The following OR2L13 variants were observed in gnomAD, a reference collection of about 807,000 sequenced individuals.
The protein encoded by OR2L13 is olfactory receptor family 2 subfamily L member 13, also known as olfactory receptor 2L13.
In OR2L13, 14 loss-of-function variants were observed where a neutral mutation model predicts 15.3. That is an observed-to-expected ratio of 0.91 (90% CI 0.60 to 1.43). The LOEUF (loss-of-function observed/expected upper bound fraction) is 1.43. Ranked by LOEUF, OR2L13 falls within the 40% of genes most tolerant of loss-of-function variation. The pLI is 0.00. For missense variants in OR2L13, 367 were observed against 387.9 expected, an observed-to-expected ratio of 0.95 and a Z score of 0.45; for synonymous variants, 152 against 142.9, an observed-to-expected ratio of 1.06 and a Z score of -0.45.
the OR2L13 span, among the ~76,000 whole-genome samples, chr1:248,067,442 G>A: frequency 5.3e-5 from 8 of 152,278 alleles, no homozygotes; most frequent in East Asian, 1.4e-3. Context: ...AATATTTGGT[G>A]TAATTATTTG....
chr1:247,967,049 A>ACAC, the OR2L13 span, among the ~76,000 whole-genome samples: 1 of 151,598 alleles, frequency 6.6e-6, no homozygotes, highest in African/African-American at 2.4e-5. Context: ...CACACACCAC[A>ACAC]CACACACACA....
At chr1:247,983,382 T>C in the OR2L13 span, among the ~76,000 whole-genome samples, 9 of 152,110 alleles carry the variant, frequency 5.9e-5, no homozygotes, top group African/African-American at 2.2e-4. Flanking sequence ...ATCATCAGAA[T>C]TTTTTCTGCT....
the OR2L13 span, among the ~76,000 whole-genome samples, chr1:247,992,189 AAT>A: frequency 6.7e-6 from 1 of 149,588 alleles, no homozygotes; most frequent in Non-Finnish European, 1.5e-5. Context: ...ATAAGTAGTA[AAT>A]ATGTTTTCTC....
chr1:247,951,573 A>G, the OR2L13 span, among the ~76,000 whole-genome samples: 6 of 152,182 alleles, frequency 3.9e-5, no homozygotes, highest in Non-Finnish European at 7.3e-5. Context: ...GCCTGTGGAT[A>G]TTTGTTTTGC....
the OR2L13 span, among the ~76,000 whole-genome samples, chr1:248,052,975 G>T: frequency 6.6e-6 from 1 of 151,524 alleles, no homozygotes; most frequent in Non-Finnish European, 1.5e-5. Context: ...AAGTTCCAGG[G>T]TATATGTGCA....
At chr1:248,057,185 G>C in the OR2L13 span, among the ~76,000 whole-genome samples, 1 of 152,200 alleles carries the variant, frequency 6.6e-6, no homozygotes, top group Admixed American at 6.5e-5. Context: ...TTCAAGTCCT[G>C]AATATCTTTG....
the OR2L13 span, chr1:247,990,478 A>G: frequency 1.3e-6 from 2 of 1,577,756 alleles, no homozygotes; most frequent in South Asian, 2.2e-5. Context: ...ATTGACCTAA[A>G]TTATATTTCC....
At chr1:247,952,462 G>A in the OR2L13 span, among the ~76,000 whole-genome samples, 17 of 152,162 alleles carry the variant, frequency 1.1e-4, no homozygotes, top group African/African-American at 2.9e-4. Context: ...GGAGGCTCGA[G>A]GGAGCTTGTT....
the OR2L13 span, among the ~76,000 whole-genome samples, chr1:247,968,832 T>A: frequency 1.3e-5 from 2 of 152,136 alleles, no homozygotes; most frequent in African/African-American, 4.8e-5. Flanking sequence ...TATAGCAGCA[T>A]GATTTATAAT....
the OR2L13 span, among the ~76,000 whole-genome samples, chr1:247,985,796 G>A: frequency 7.7e-4 from 117 of 151,968 alleles, no homozygotes; most frequent in Non-Finnish European, 1.2e-3. Context: ...TTTAATGATC[G>A]CCATTCTAAC....
chr1:248,099,556 C>CT lies in OR2L13; in HGVS notation c.183dup (p.Leu62SerfsTer49), dbSNP rs757342898. On this transcript the variant is annotated frameshift_variant, in exon 3 of 3. Coordinates refer to ENST00000641714, the Ensembl canonical transcript of OR2L13. LOFTEE classifies it high-confidence loss of function. The stretch of plus-strand genomic sequence containing the variant: ...TCGTCTCCACACACCGATGTACTTT[C>CT]TTCTCAGCCAGCTCTCCCTTATGGA... 1 of 1,614,130 alleles carries CT rather than the reference C, an allele frequency of 6.2e-7. No individual in the cohort carries two copies. The highest frequency in any genetic ancestry group is 8.5e-7 in the Non-Finnish European group (1 of 1,180,010).
chr1:247,989,115 G>A, the OR2L13 span, among the ~76,000 whole-genome samples: 2 of 151,924 alleles, frequency 1.3e-5, no homozygotes, highest in Non-Finnish European at 2.9e-5. Flanking sequence ...TGGATGAGAA[G>A]GCAAAAGAGA....
chr1:248,019,754 CCTT>C, the OR2L13 span, among the ~76,000 whole-genome samples: 3 of 138,860 alleles, frequency 2.2e-5, no homozygotes, highest in Non-Finnish European at 3.2e-5. Context: ...TTCTCCTTCT[CCTT>C]CTTCTTCTTC....
the OR2L13 span, among the ~76,000 whole-genome samples, chr1:248,077,087 C>A: frequency 6.6e-6 from 1 of 152,096 alleles, no homozygotes; most frequent in African/African-American, 2.4e-5. Context: ...TTTTCTGCAT[C>A]TATTGAGATA....
chr1:248,099,266 A>C (rs1664795465), intron 2 of OR2L13, 92 bp from the exon 3 acceptor site: 6 of 750,590 alleles, frequency 8.0e-6, no homozygotes, highest in Non-Finnish European at 1.1e-5. Flanking sequence ...CATTCTAAAC[A>C]AACATTGATA....
At chr1:247,993,161 T>C in the OR2L13 span, among the ~76,000 whole-genome samples, 12 of 152,198 alleles carry the variant, frequency 7.9e-5, no homozygotes, top group Admixed American at 1.3e-4. Context: ...TTTGGCCACT[T>C]GTATGTCTTC....
chr1:248,066,837 C>A, the OR2L13 span, among the ~76,000 whole-genome samples: 1 of 152,138 alleles, frequency 6.6e-6, no homozygotes, highest in Non-Finnish European at 1.5e-5. Context: ...TCTGGTGAAG[C>A]TAGCAGTGCC....
chr1:248,018,127 C>T, the OR2L13 span, among the ~76,000 whole-genome samples: 3 of 148,738 alleles, frequency 2.0e-5, no homozygotes, highest in African/African-American at 7.7e-5. Flanking sequence ...TGCACTCCAG[C>T]CTAGGCGACA....
At chr1:247,989,837 A>G in the OR2L13 span, among the ~76,000 whole-genome samples, 1 of 152,096 alleles carries the variant, frequency 6.6e-6, no homozygotes, top group Admixed American at 6.6e-5. Flanking sequence ...TAAATTTTAA[A>G]TTTGTTTTCA....
Sources: gnomAD v4.1 joint callset for allele counts (sites outside exome capture counted in the v4.1 genomes callset) on GRCh38, gnomAD v4.1.1 for gene constraint, MANE v1.5 for transcripts, NCBI Gene and HGNC (gene_info 2026-07-23, HGNC 2026-07-21) for gene names.